The following STAU2 variants were observed in gnomAD, a reference collection of about 807,000 sequenced individuals.
The protein encoded by STAU2 is staufen double-stranded RNA binding protein 2.
In STAU2, 20 loss-of-function variants were observed where a neutral mutation model predicts 65.9. The ratio of observed to expected loss-of-function variants is 0.30; its 90% confidence interval spans 0.21 to 0.44. The LOEUF is 0.44. STAU2 is among the 20% of genes least tolerant of loss of function. STAU2 has a pLI of 1.00. For synonymous variants in STAU2, 232 were observed against 233.9 expected, an observed-to-expected ratio of 0.99 and a Z score of 0.07; for missense variants, 558 against 683.9, an observed-to-expected ratio of 0.82 and a Z score of 2.05.
intron 13 of STAU2, among the ~76,000 whole-genome samples, chr8:73,544,126 C>T (rs1806740407): frequency 6.6e-6 from 1 of 152,152 alleles, no homozygotes; most frequent in South Asian, 2.1e-4. Flanking sequence ...TATGTAAATC[C>T]AGCTTCCACC....
chr8:73,676,628 C>T (rs1297238141), intron 5 of STAU2, among the ~76,000 whole-genome samples: 1 of 152,198 alleles, frequency 6.6e-6, no homozygotes, highest in Non-Finnish European at 1.5e-5. Context: ...GACGGAGTCT[C>T]GCTCTCACCC....
intron 13 of STAU2, among the ~76,000 whole-genome samples, chr8:73,479,498 A>ACACACACACT (rs1469482445): frequency 4.0e-5 from 6 of 149,720 alleles, no homozygotes; most frequent in Admixed American, 6.7e-5. Context: ...ACACACACAC[A>ACACACACACT]CTCTCATACA....
chr8:73,697,802 C>G (rs754140218), intron 4 of STAU2, among the ~76,000 whole-genome samples: 1 of 152,028 alleles, frequency 6.6e-6, no homozygotes, highest in Non-Finnish European at 1.5e-5. Flanking sequence ...GTATTTGCAC[C>G]GGCGCAGTGG....
At chr8:73,663,565 C>T (rs1372628960) in intron 6 of STAU2, among the ~76,000 whole-genome samples, 1 of 151,488 alleles carries the variant, frequency 6.6e-6, no homozygotes, top group Non-Finnish European at 1.5e-5. Flanking sequence ...ACTGCAAAAA[C>T]AATTTGCAGT....
chr8:73,584,425 T>C (rs1394189857), intron 11 of STAU2, among the ~76,000 whole-genome samples: 1 of 152,228 alleles, frequency 6.6e-6, no homozygotes, highest in African/African-American at 2.4e-5. Context: ...GCTAAGTGTT[T>C]TGCATAAATA....
chr8:73,583,148 T>A (rs1432063959), intron 11 of STAU2, among the ~76,000 whole-genome samples: 1 of 146,088 alleles, frequency 6.8e-6, no homozygotes, highest in East Asian at 2.0e-4. Context: ...AAAAAATAAA[T>A]CTTTTTTTTT....
chr8:73,659,705 G>C (rs1816682363), intron 6 of STAU2, among the ~76,000 whole-genome samples: 1 of 152,084 alleles, frequency 6.6e-6, no homozygotes, highest in Non-Finnish European at 1.5e-5. Flanking sequence ...ATTTTTCAGA[G>C]CTTGAGCAAC....
intron 13 of STAU2, among the ~76,000 whole-genome samples, chr8:73,466,146 T>C (rs1045779626): frequency 4.6e-5 from 7 of 152,222 alleles, no homozygotes; most frequent in African/African-American, 9.6e-5. Context: ...GATAGCACAC[T>C]TGTAGACCTC....
chr8:73,656,370 C>T (rs12675736), intron 6 of STAU2, among the ~76,000 whole-genome samples: 41,875 of 152,072 alleles, frequency 0.28, 6,264 homozygotes, highest in East Asian at 0.45. Context: ...TTTTTAATGA[C>T]GTGGCAATTG....
intron 13 of STAU2, among the ~76,000 whole-genome samples, chr8:73,472,045 G>C (rs1439655721): frequency 6.6e-6 from 1 of 152,134 alleles, no homozygotes; most frequent in Non-Finnish European, 1.5e-5. Context: ...CAAAACCCAG[G>C]AGTGGAGGTG....
intron 13 of STAU2, among the ~76,000 whole-genome samples, chr8:73,485,861 T>A (rs989923484): frequency 9.2e-5 from 14 of 151,696 alleles, no homozygotes; most frequent in African/African-American, 2.2e-4. Context: ...AACAAAACCA[T>A]GATAGGCAAA....
chr8:73,617,206 G>T (rs1455119465), intron 7 of STAU2, 86 bp downstream of exon 7: 2 of 1,491,164 alleles, frequency 1.3e-6, no homozygotes, highest in Non-Finnish European at 1.8e-6. Flanking sequence ...TATCAGAACA[G>T]ATTATTTATT....
At chr8:73,482,554 A>G (rs578161523) in intron 13 of STAU2, among the ~76,000 whole-genome samples, 18 of 152,262 alleles carry the variant, frequency 1.2e-4, no homozygotes, top group African/African-American at 3.6e-4. Context: ...AGGAGACAGT[A>G]ACAGAAGTGA....
intron 9 of STAU2, 32 bp from the exon 10 acceptor site, chr8:73,603,895 T>A: frequency 1.3e-6 from 2 of 1,575,116 alleles, no homozygotes; most frequent in Non-Finnish European, 1.7e-6. Context: ...AGTTTTAAAA[T>A]ATGCTTGTGA....
chr8:73,495,479 TTACTA>T (rs1821359726), intron 13 of STAU2, among the ~76,000 whole-genome samples: 1 of 151,384 alleles, frequency 6.6e-6, no homozygotes, highest in Non-Finnish European at 1.5e-5. Flanking sequence ...ATCAGTTACT[TTACTA>T]AATGACTTAA....
At chr8:73,708,528 AG>A (rs1820674283) in intron 4 of STAU2, among the ~76,000 whole-genome samples, 1 of 152,236 alleles carries the variant, frequency 6.6e-6, no homozygotes, top group Admixed American at 6.5e-5. Flanking sequence ...AGAGATAATA[AG>A]AACAGTGGTA....
At chr8:73,453,121 G>A (rs1011710585) in intron 13 of STAU2, among the ~76,000 whole-genome samples, 6 of 152,162 alleles carry the variant, frequency 3.9e-5, no homozygotes, top group Non-Finnish European at 5.9e-5. Context: ...AATTCTCAAA[G>A]ATAAGACTTG....
At chr8:73,723,104 A>C (rs1821797947) in intron 3 of STAU2, among the ~76,000 whole-genome samples, 2 of 151,986 alleles carry the variant, frequency 1.3e-5, no homozygotes, top group South Asian at 2.1e-4. Context: ...GCGTGCCCAC[A>C]CACCCACACA....
At chr8:73,453,739 T>C (rs995311435) in intron 13 of STAU2, among the ~76,000 whole-genome samples, 3 of 152,206 alleles carry the variant, frequency 2.0e-5, no homozygotes, top group African/African-American at 4.8e-5. Context: ...TTAATTTTTA[T>C]ACCAACAAGA....
Sources: allele counts gnomAD v4.1 joint callset (sites outside exome capture counted in the v4.1 genomes callset), GRCh38; gene constraint gnomAD v4.1.1; transcripts MANE v1.5; gene names NCBI Gene and HGNC (gene_info 2026-07-23, HGNC 2026-07-21).